PDZRN4: variants seen among roughly 807,000 people sequenced by gnomAD.
PDZRN4 encodes the protein PDZ domain containing ring finger 4, also known as PDZ domain-containing RING finger protein 4.
Under a neutral mutation model 99.0 loss-of-function variants are expected in PDZRN4, and 70 were observed. That is an observed-to-expected ratio of 0.71 (90% CI 0.58 to 0.86). The LOEUF is 0.86. PDZRN4 is among the 40% of genes least tolerant of loss of function. PDZRN4 has a pLI of 0.00. For missense variants in PDZRN4, 1,474 were observed against 1,331.2 expected (o/e 1.11, Z -1.67); for synonymous variants, 551 against 501.6 (o/e 1.10, Z -1.32).
intron 3 of PDZRN4, among the ~76,000 whole-genome samples, chr12:41,262,974 A>T (rs1255899434): frequency 2.1e-5 from 3 of 145,268 alleles, no homozygotes; most frequent in Non-Finnish European, 4.5e-5. Context: ...TATATATATA[A>T]AATATATCTC....
At chr12:41,409,832 C>T (rs1205123264) in intron 3 of PDZRN4, 1 of 152,122 alleles carries the variant, frequency 6.6e-6, no homozygotes, top group Non-Finnish European at 1.5e-5. Flanking sequence ...CCTGCTTCTT[C>T]GAGCTTCTGG....
At chr12:41,475,174 T>C (rs1461775914) in intron 3 of PDZRN4, among the ~76,000 whole-genome samples, 3 of 152,152 alleles carry the variant, frequency 2.0e-5, no homozygotes, top group Admixed American at 6.5e-5. Context: ...AGTAACATAA[T>C]AGATGCTCAA....
intron 5 of PDZRN4, among the ~76,000 whole-genome samples, chr12:41,510,363 A>C (rs1250348977): frequency 6.6e-6 from 1 of 152,278 alleles, no homozygotes; most frequent in Non-Finnish European, 1.5e-5. Flanking sequence ...TGTACTCTAA[A>C]GAGCCATTTC....
intron 3 of PDZRN4, among the ~76,000 whole-genome samples, chr12:41,246,811 A>C (rs1053188130): frequency 6.6e-6 from 1 of 152,204 alleles, no homozygotes; most frequent in Non-Finnish European, 1.5e-5. Context: ...CATGAAATAC[A>C]GTGAAGAAAA....
At chr12:41,213,681 A>G (rs1950902042) in intron 3 of PDZRN4, among the ~76,000 whole-genome samples, 1 of 152,102 alleles carries the variant, frequency 6.6e-6, no homozygotes, top group African/African-American at 2.4e-5. Context: ...AGCTTGCTTT[A>G]AGTGATGTCC....
chr12:41,460,086 T>G, intron 3 of PDZRN4: 1 of 1,281,688 alleles, frequency 7.8e-7, no homozygotes, highest in Non-Finnish European at 1.0e-6. Flanking sequence ...TTTTCCCTAT[T>G]TATATATTTT....
chr12:41,303,587 T>C (rs896532184), intron 3 of PDZRN4, among the ~76,000 whole-genome samples: 10 of 152,186 alleles, frequency 6.6e-5, no homozygotes, highest in Admixed American at 4.6e-4. Context: ...GCACTCAATA[T>C]ATATTGTGTT....
intron 3 of PDZRN4, among the ~76,000 whole-genome samples, chr12:41,297,992 A>G (rs1356471744): frequency 1.3e-5 from 2 of 152,162 alleles, no homozygotes; most frequent in African/African-American, 2.4e-5. Flanking sequence ...ACAGCTTTGA[A>G]ATCTCCCAAA....
intron 3 of PDZRN4, among the ~76,000 whole-genome samples, chr12:41,403,320 G>T (rs1952317312): frequency 6.6e-6 from 1 of 152,090 alleles, no homozygotes; most frequent in African/African-American, 2.4e-5. Flanking sequence ...AACTTCAATT[G>T]TAAAACATAG....
intron 5 of PDZRN4, among the ~76,000 whole-genome samples, chr12:41,539,457 A>C (rs1455374303): frequency 6.6e-6 from 1 of 152,132 alleles, no homozygotes; most frequent in Non-Finnish European, 1.5e-5. Flanking sequence ...AACAGAGAAA[A>C]GCAATTTGGG....
chr12:41,364,084 T>C (rs1275809934), intron 3 of PDZRN4, among the ~76,000 whole-genome samples: 1 of 152,106 alleles, frequency 6.6e-6, no homozygotes, highest in African/African-American at 2.4e-5. Flanking sequence ...AAGAAGATCA[T>C]GGAGATTTGA....
At chr12:41,543,437 C>T (rs1938895248) in intron 5 of PDZRN4, among the ~76,000 whole-genome samples, 1 of 152,068 alleles carries the variant, frequency 6.6e-6, no homozygotes, top group African/African-American at 2.4e-5. Context: ...TCTGAATTTC[C>T]TCATTTATAA....
intron 9 of PDZRN4, among the ~76,000 whole-genome samples, chr12:41,568,623 A>G (rs994817836): frequency 2.0e-4 from 30 of 152,210 alleles, no homozygotes; most frequent in Non-Finnish European, 2.5e-4. Context: ...ATTCATAACT[A>G]GTAAAAGATC....
chr12:41,293,382 G>C (rs1431196796), intron 3 of PDZRN4, among the ~76,000 whole-genome samples: 1 of 151,408 alleles, frequency 6.6e-6, no homozygotes, highest in Non-Finnish European at 1.5e-5. Context: ...AAGTGACTGA[G>C]CTAGCTCCTT....
Position 41,348,251 on chromosome 12 carries a change from G to A in PDZRN4, c.843+154063G>A, listed in dbSNP as rs79032292. ...TTGCTGATCTTAACTATTCTGTGCT[G>A]TAGAGCAGCACTTCTAAAAGTTTGG... On this transcript the variant is annotated intron_variant, in intron 3 of 9. Transcript: ENST00000402685. 3.2e-3 allele frequency among the ~76,000 whole-genome samples: 490 copies of A among 152,232 alleles called. 18 individuals are homozygous for A. In the East Asian group the frequency reaches 0.087, roughly 27 times the overall value.
intron 3 of PDZRN4, among the ~76,000 whole-genome samples, chr12:41,241,364 A>G (rs1447003993): frequency 6.6e-6 from 1 of 151,704 alleles, no homozygotes; most frequent in African/African-American, 2.4e-5. Context: ...GTGCATCTAG[A>G]TTTTTGGATT....
At chr12:41,352,835 A>G (rs770630509) in intron 3 of PDZRN4, among the ~76,000 whole-genome samples, 1 of 152,144 alleles carries the variant, frequency 6.6e-6, no homozygotes, top group Non-Finnish European at 1.5e-5. Context: ...CTTTATTGTC[A>G]TGATGGTTGC....
chr12:41,228,124 C>T (rs559868821), intron 3 of PDZRN4, among the ~76,000 whole-genome samples: 2 of 152,138 alleles, frequency 1.3e-5, no homozygotes, highest in South Asian at 4.2e-4. Context: ...GATATGGAGC[C>T]ATAAAGACTG....
chr12:41,472,817 C>G (rs993773074), intron 3 of PDZRN4, among the ~76,000 whole-genome samples: 2 of 152,150 alleles, frequency 1.3e-5, no homozygotes, highest in African/African-American at 4.8e-5. Context: ...ATAGGCATTG[C>G]CCTGCTAACT....
Sources: gnomAD v4.1 joint callset for allele counts (sites outside exome capture counted in the v4.1 genomes callset) on GRCh38, gnomAD v4.1.1 for gene constraint, MANE v1.5 for transcripts, NCBI Gene and HGNC (gene_info 2026-07-23, HGNC 2026-07-21) for gene names.